Variants in CRYBG2 observed in about 807,000 individuals in gnomAD.
CRYBG2 encodes the protein beta/gamma crystallin domain-containing protein 2.
In CRYBG2, 106 loss-of-function variants were observed where a neutral mutation model predicts 153.4. The ratio of observed to expected loss-of-function variants is 0.69; its 90% CI spans 0.59 to 0.81. The LOEUF (loss-of-function observed/expected upper bound fraction) is 0.81. CRYBG2 is among the 30% of genes least tolerant of loss of function. The pLI, the probability that CRYBG2 is intolerant of heterozygous loss-of-function variation, is 0.00. For missense variants in CRYBG2, 1,996 were observed against 2,112.0 expected (o/e 0.95, Z 1.08); for synonymous variants, 851 against 877.8 (o/e 0.97, Z 0.54).
At chr1:26,323,235 C>T (rs2073881632) in intron 18 of CRYBG2, among the ~76,000 whole-genome samples, 1 of 151,994 alleles carries the variant, frequency 6.6e-6, no homozygotes, top group Admixed American at 6.6e-5. Context: ...TGCATGCCAC[C>T]ACATCCGGCT....
chr1:26,334,766 T>C (rs1171773791), intron 14 of CRYBG2, among the ~76,000 whole-genome samples: 1 of 151,618 alleles, frequency 6.6e-6, no homozygotes, highest in African/African-American at 2.4e-5. Flanking sequence ...CTACTAAAAA[T>C]ACAAAAATTA....
At chr1:26,342,023 TC>T (rs1425926410) in intron 5 of CRYBG2, among the ~76,000 whole-genome samples, 3 of 152,100 alleles carry the variant, frequency 2.0e-5, no homozygotes, top group Non-Finnish European at 4.4e-5. Flanking sequence ...AGAGGAGATC[TC>T]CCCCCACTGC....
chr1:26,322,035 T>TC lies in CRYBG2; in HGVS notation c.4918dup (p.Asp1640GlyfsTer10), dbSNP rs1390340703. ...ATCCGGCTCCCATAGCACCACGTGG[T>TC]CCCGGTCGTAGCCCCGGCCTCCTGG... On this transcript the variant is annotated frameshift_variant, in exon 20 of 20. Transcript: ENST00000308182. LOFTEE classifies it high-confidence loss of function. 7 of 1,606,964 alleles carry TC rather than the reference T, an allele frequency of 4.4e-6. No individual in the cohort carries two copies. The highest frequency in any genetic ancestry group is 6.0e-6 in the Non-Finnish European group (7 of 1,174,284).
intron 15 of CRYBG2, among the ~76,000 whole-genome samples, chr1:26,330,053 G>A (rs976315747): frequency 5.9e-5 from 9 of 152,088 alleles, no homozygotes; most frequent in Non-Finnish European, 1.2e-4. Context: ...TAGAATTATA[G>A]GTACAAGCCA....
In CRYBG2 at chr1:26,346,585, G is replaced by A. The variant is rs11247924; in HGVS notation, c.73C>T (p.Arg25Trp). The A allele has an allele frequency of 0.2, 312,327 of 1,592,590 alleles. 31,356 individuals are homozygous for A. Among genetic ancestry groups the A allele is most frequent in the South Asian group, 0.24 (20,899 of 88,138 alleles). Residue 25 changes from arginine (R) to tryptophan (W), a missense_variant, in exon 2 of 20, where the codon CGG (arginine) becomes TGG (tryptophan). Physicochemically the swap from Arg to Trp is moderately radical, Grantham distance 101 (BLOSUM62 -3). Coordinates refer to ENST00000308182, the MANE Select transcript of CRYBG2 (RefSeq NM_001039775.4). This position sits in a 1 kb window ranked among gnomAD's most constrained non-coding sequence, Gnocchi z 4.9. ...VVSATLTWRQRPPTQEEIKHG... is the reference protein window; with the variant it reads ...VVSATLTWRQWPPTQEEIKHG... ...TTGATCTCTTCCTGGGTGGGGGGCC[G>A]CTGCCGCCATGTCAATGTGGCACTT...
At chr1:26,338,123 T>C in intron 7 of CRYBG2, 76 bp from the exon 8 acceptor site, 3 of 1,559,204 alleles carry the variant, frequency 1.9e-6, no homozygotes, top group Middle Eastern at 3.4e-4. Flanking sequence ...AGGATTTTCC[T>C]GATCCTGAGA....
intron 14 of CRYBG2, among the ~76,000 whole-genome samples, chr1:26,335,470 C>T (rs2074043308): frequency 6.6e-6 from 1 of 151,566 alleles, no homozygotes; most frequent in Non-Finnish European, 1.5e-5. Flanking sequence ...GAGCAAAACT[C>T]TGTCTCAAAA....
At chr1:26,337,200 G>T in intron 10 of CRYBG2, 53 bp downstream of exon 10, 1 of 1,609,436 alleles carries the variant, frequency 6.2e-7, no homozygotes. Context: ...CTGTACTGGG[G>T]GAGGTCTGGC....
At chr1:26,332,076 GGC>G (rs1397627003) in intron 14 of CRYBG2, among the ~76,000 whole-genome samples, 1 of 152,164 alleles carries the variant, frequency 6.6e-6, no homozygotes, top group Non-Finnish European at 1.5e-5. Flanking sequence ...GGGAGGCTGA[GGC>G]GGGCAGATCA....
rs751296768 is a variant in CRYBG2 at position 26,344,822 on chromosome 1, G to A, written c.1836C>T (p.Thr612=). The part of the protein sequence containing the change: ...GPCAPAASSP[T]QKEVVQGSGA... ...CAGACCCCTGCACCACCTCCTTCTG[G>A]GTGGGAGATGAGGCAGCAGGAGCAC... The change falls in exon 2 of 20, where the codon ACC becomes ACT. Residue 612 remains threonine, a synonymous_variant. Transcript: ENST00000308182. 2.0e-6 allele frequency: 3 copies of A among 1,534,738 alleles called. No individual in the cohort carries two copies. Among genetic ancestry groups the A allele is most frequent in the Non-Finnish European group, 2.6e-6 (3 of 1,145,980 alleles).
Position 26,338,438 on chromosome 1 carries a change from G to A in CRYBG2, c.3384C>T (p.Pro1128=), listed in dbSNP as rs1339271580. ...GGTACTCTCCAGGTTCCAGGATGTA[G>A]GGAGTGTCTTCGAATAATGGTTTGG... ...LYPKPLFEDT[P]YILEPGEYPT... is the part of the protein sequence containing the mutation. Residue 1128 remains proline (P), a synonymous_variant, in exon 7 of 20, where the codon CCC becomes CCT. Transcript: ENST00000308182. 1 of 1,613,316 alleles carries A rather than the reference G, an allele frequency of 6.2e-7. No individual in the cohort carries two copies. Among genetic ancestry groups the A allele is most frequent in the South Asian group, 1.1e-5 (1 of 90,922 alleles).
rs72872977 is a variant in CRYBG2 at position 26,324,295 on chromosome 1, G to A, written c.4594C>T (p.Arg1532Cys). 395 of 1,607,730 alleles carry A rather than the reference G, an allele frequency of 2.5e-4. 1 individual carries two copies. In the African/African-American group the frequency reaches 4.1e-3, roughly 17 times the overall value. The change falls in exon 18 of 20, where the codon CGC (arginine) becomes TGC (cysteine). Residue 1532 changes from arginine (R) to cysteine (C), a missense_variant. Arg to Cys is a radical substitution (Grantham distance 180). Transcript: ENST00000308182. The part of the protein sequence containing the change: ...YPIKQRRVYF[R>C]LWNAALGGFL... ...CCCCCCAGTGCTGCATTCCAGAGGC[G>A]GAAATAAACCCGGCGCTGGTGGCAG... is the stretch of plus-strand genomic sequence containing the variant.
chr1:26,336,279 G>A lies in CRYBG2; in HGVS notation c.4071+59C>T, dbSNP rs2074053505. On this transcript the variant is annotated intron_variant, in intron 13 of 19. Coordinates refer to ENST00000308182, the MANE Select transcript of CRYBG2 (RefSeq NM_001039775.4). This position sits in a 1 kb window ranked among gnomAD's most constrained non-coding sequence, Gnocchi z 4.9. Reference sequence around the variant, plus strand: ...GGCCGAGAACAGCGGGGAGGGGAAAGGTCCGAAATGAGGGGAGAGACGTGA... The same window carrying A: ...GGCCGAGAACAGCGGGGAGGGGAAAAGTCCGAAATGAGGGGAGAGACGTGA... The A allele has an allele frequency of 2.5e-6, 4 of 1,606,194 alleles. No individual in the cohort carries two copies. In the African/African-American group the frequency reaches 4.0e-5, roughly 16 times the overall value.
chr1:26,329,104 A>G (rs2073967882), intron 15 of CRYBG2, among the ~76,000 whole-genome samples: 1 of 150,800 alleles, frequency 6.6e-6, no homozygotes, highest in African/African-American at 2.4e-5. Context: ...CCTCCTCTCC[A>G]GTAAATAGCA....
rs2074077706 is a variant in CRYBG2, at chr1:26,337,594, C to CT, written c.3587dup (p.Asp1197GlyfsTer50). The CT allele has an allele frequency of 6.2e-7, 1 of 1,613,280 alleles. No homozygotes were observed. Among genetic ancestry groups the CT allele is most frequent in the Non-Finnish European group, 8.5e-7 (1 of 1,179,968 alleles). On this transcript the variant is annotated frameshift_variant, in exon 9 of 20. Coordinates refer to ENST00000308182, the MANE Select transcript of CRYBG2 (RefSeq NM_001039775.4). LOFTEE classifies it high-confidence loss of function. ...AGGCCAGGTGGGGGCTCTGGCTGTC[C>CT]TCTGGCTGCTGAAGGTTGTAGATGT...
At position 26,336,386 on chromosome 1, in the gene CRYBG2, G is replaced by A. The variant is rs577444414; in HGVS notation, c.4039-16C>T. 1.2e-6 allele frequency: 2 copies of A among 1,612,590 alleles called. No homozygotes were observed. Among genetic ancestry groups the A allele is most frequent in the Non-Finnish European group, 8.5e-7 (1 of 1,179,304 alleles). On this transcript the variant is annotated splice_polypyrimidine_tract_variant and intron_variant, in intron 12 of 19. Coordinates refer to ENST00000308182, the MANE Select transcript of CRYBG2 (RefSeq NM_001039775.4). This position sits in a 1 kb window ranked among gnomAD's most constrained non-coding sequence, Gnocchi z 4.9. ...GCTCCCCGACCTGAAGGTAGGGACC[G>A]AATCGAGAATTAGGGAGGGTGCCGG...
In CRYBG2 at chr1:26,338,108, G is replaced by A. The variant is rs41285431; in HGVS notation, c.3472-61C>T. 4.7e-3 allele frequency: 7,418 copies of A among 1,587,766 alleles called. 24 individuals are homozygous for A. The highest frequency in any genetic ancestry group is 5.9e-3 in the Non-Finnish European group (6,818 of 1,164,264). On this transcript the variant is annotated intron_variant, in intron 7 of 19. Transcript: ENST00000308182. ...GATGGGAAAGACAGATGGGGCTGCG[G>A]ATCTAGGATTTTCCTGATCCTGAGA...
At position 26,336,601 on chromosome 1, in the gene CRYBG2, C is replaced by T. The variant is rs142178208; in HGVS notation, c.4038+5G>A. The T allele has an allele frequency of 2.2e-4, 339 of 1,547,584 alleles. No homozygotes were observed. In the African/African-American group the frequency reaches 4.0e-3, roughly 18 times the overall value. On this transcript the variant is annotated splice_donor_5th_base_variant and intron_variant, in intron 12 of 19. Transcript: ENST00000308182. The surrounding 1 kb of genome is among the most constrained non-coding windows in gnomAD (Gnocchi z 4.9). The stretch of plus-strand genomic sequence containing the variant: ...GAGGCCCCGCCCCCCGCGGCCGGCA[C>T]GCACCTGTAGGACCGGCTGCAGCGA...
chr1:26,353,480 C>T (rs933941151), intron 1 of CRYBG2, among the ~76,000 whole-genome samples: 1 of 152,144 alleles, frequency 6.6e-6, no homozygotes, highest in African/African-American at 2.4e-5. Flanking sequence ...GACACCCACT[C>T]CTTTGGCTTC....
Sources: gnomAD v4.1 joint callset for allele counts (sites outside exome capture counted in the v4.1 genomes callset) on GRCh38, gnomAD v4.1.1 for gene constraint, Gnocchi (gnomAD v3.1) non-coding constraint, MANE v1.5 for transcripts, NCBI Gene and HGNC (gene_info 2026-07-23, HGNC 2026-07-21) for gene names.